NTM: variants seen among roughly 807,000 people sequenced by gnomAD.
The protein encoded by NTM is IgLON family member 2.
In NTM, 13 loss-of-function variants were observed where a neutral mutation model predicts 42.1. The ratio of observed to expected loss-of-function variants is 0.31; its 90% CI spans 0.20 to 0.49. The LOEUF (loss-of-function observed/expected upper bound fraction) is 0.49, where lower values mean the gene tolerates loss of function less well. Among genes scored for constraint, NTM ranks in the 20% least tolerant of loss-of-function variants. The pLI, the probability that NTM is intolerant of heterozygous loss-of-function variation, is 0.99. For missense variants in NTM, 373 were observed against 452.8 expected, an observed-to-expected ratio of 0.82 and a Z score of 1.60; for synonymous variants, 187 against 179.2, an observed-to-expected ratio of 1.04 and a Z score of -0.35.
chr11:131,429,555 C>T (rs1948481769), intron 1 of NTM, among the ~76,000 whole-genome samples: 2 of 152,070 alleles, frequency 1.3e-5, no homozygotes, highest in African/African-American at 4.8e-5. Context: ...AAAAGTGACA[C>T]ACAAATAAAT....
At chr11:132,162,681 T>C (rs1186455315) in intron 3 of NTM, among the ~76,000 whole-genome samples, 5 of 140,194 alleles carry the variant, frequency 3.6e-5, no homozygotes, top group African/African-American at 1.1e-4. Context: ...GTGTGTGTGT[T>C]TGTGTAGGGA....
At chr11:132,143,839 T>C (rs1452180348) in intron 2 of NTM, among the ~76,000 whole-genome samples, 1 of 152,174 alleles carries the variant, frequency 6.6e-6, no homozygotes, top group Admixed American at 6.5e-5. Flanking sequence ...ATGGCAGTCA[T>C]GGGGTCTGCA....
At chr11:131,768,164 C>T (rs2085445683) in intron 1 of NTM, among the ~76,000 whole-genome samples, 1 of 149,702 alleles carries the variant, frequency 6.7e-6, no homozygotes, top group Non-Finnish European at 1.5e-5. Flanking sequence ...CTCTTGTCGC[C>T]CAGGCTGGAG....
intron 2 of NTM, among the ~76,000 whole-genome samples, chr11:132,025,760 G>A (rs2075086188): frequency 6.6e-6 from 1 of 152,152 alleles, no homozygotes; most frequent in Non-Finnish European, 1.5e-5. Context: ...GATTATTGAG[G>A]AATAGCTTTT....
intron 1 of NTM, among the ~76,000 whole-genome samples, chr11:131,455,262 G>C (rs1016674569): frequency 3.9e-5 from 6 of 152,196 alleles, no homozygotes; most frequent in Non-Finnish European, 7.3e-5. Flanking sequence ...CACAGGTTTA[G>C]ATGCAGGAGG....
chr11:132,321,045 C>G (rs1346926224), intron 7 of NTM, among the ~76,000 whole-genome samples: 1 of 151,346 alleles, frequency 6.6e-6, no homozygotes, highest in Non-Finnish European at 1.5e-5. Flanking sequence ...TCATCAAAGA[C>G]CAAAAGTAGA....
intron 1 of NTM, among the ~76,000 whole-genome samples, chr11:131,567,164 G>C (rs1641125487): frequency 6.6e-6 from 1 of 152,004 alleles, no homozygotes; most frequent in South Asian, 2.1e-4. Context: ...CTGGGGAAGA[G>C]AGGGGCTGGG....
intron 1 of NTM, among the ~76,000 whole-genome samples, chr11:131,908,150 C>A (rs1284321509): frequency 6.6e-6 from 1 of 152,214 alleles, no homozygotes; most frequent in Non-Finnish European, 1.5e-5. Flanking sequence ...TTAGTGCTTT[C>A]CCTTCACGGG....
intron 2 of NTM, among the ~76,000 whole-genome samples, chr11:131,966,627 GT>G (rs1159155285): frequency 1.3e-5 from 2 of 152,206 alleles, no homozygotes; most frequent in African/African-American, 4.8e-5. Context: ...GAAGACAGAA[GT>G]GGACCTGGAG....
chr11:132,198,066 A>G (rs2080558973), intron 3 of NTM, among the ~76,000 whole-genome samples: 1 of 152,162 alleles, frequency 6.6e-6, no homozygotes, highest in African/African-American at 2.4e-5. Context: ...TCCCTGAGGA[A>G]TCGCCACCCT....
intron 2 of NTM, among the ~76,000 whole-genome samples, chr11:131,995,959 A>G (rs2067933102): frequency 1.3e-5 from 2 of 152,268 alleles, no homozygotes; most frequent in Admixed American, 1.3e-4. Context: ...GTTCCTCGAC[A>G]TTATCTGGGA....
intron 4 of NTM, among the ~76,000 whole-genome samples, chr11:132,263,842 T>C (rs1175230154): frequency 6.6e-6 from 1 of 152,228 alleles, no homozygotes; most frequent in Admixed American, 6.5e-5. Flanking sequence ...TCTAATAACA[T>C]GTCCTTTATT....
intron 1 of NTM, among the ~76,000 whole-genome samples, chr11:131,835,390 A>C (rs1428608508): frequency 1.3e-5 from 2 of 152,114 alleles, no homozygotes; most frequent in African/African-American, 4.8e-5. Flanking sequence ...ATGGATAAAC[A>C]CCTCCTACAA....
At chr11:131,605,639 C>G in intron 1 of NTM, 1 of 196,510 alleles carries the variant, frequency 5.1e-6, no homozygotes, top group Non-Finnish European at 9.2e-6. Flanking sequence ...GAACGTTTTA[C>G]TCTCTCCCCA....
At chr11:131,605,916 T>C (rs1472869271) in intron 1 of NTM, 1 of 976,928 alleles carries the variant, frequency 1.0e-6, no homozygotes, top group Admixed American at 6.1e-5. Context: ...TTCTGTGCTT[T>C]CTCTTTTATG....
At chr11:131,928,499 ACT>A (rs1277533873) in intron 2 of NTM, among the ~76,000 whole-genome samples, 44 of 145,420 alleles carry the variant, frequency 3.0e-4, no homozygotes, top group African/African-American at 1.1e-3. Flanking sequence ...CCCACTACAA[ACT>A]CTGTTTGTTT....
intron 1 of NTM, among the ~76,000 whole-genome samples, chr11:131,818,930 G>A (rs146534511): frequency 1.6e-3 from 245 of 152,280 alleles, no homozygotes; most frequent in Non-Finnish European, 2.7e-3. Flanking sequence ...TGAGTTCTGG[G>A]ATTTGGGGCT....
At chr11:131,663,642 A>G (rs1284940430) in intron 1 of NTM, 2 of 152,218 alleles carry the variant, frequency 1.3e-5, no homozygotes, top group African/African-American at 4.8e-5. Flanking sequence ...TGTGGTCTTC[A>G]ACAGCAAGTC....
intron 1 of NTM, among the ~76,000 whole-genome samples, chr11:131,862,825 CAT>C (rs372301928): frequency 0.01 from 1,543 of 152,296 alleles, 23 homozygotes; most frequent in African/African-American, 0.035. Context: ...TTGACTAAAA[CAT>C]ATAGAGACAA....
Sources: gnomAD v4.1 joint callset for allele counts (sites outside exome capture counted in the v4.1 genomes callset) on GRCh38, gnomAD v4.1.1 for gene constraint, MANE v1.5 for transcripts, NCBI Gene and HGNC (gene_info 2026-07-23, HGNC 2026-07-21) for gene names.